The following HUWE1 variants were observed in gnomAD, a reference collection of about 807,000 sequenced individuals.
HUWE1 encodes the protein E3 ubiquitin-protein ligase HUWE1.
HUWE1 carries 18 observed loss-of-function variants against 299.4 expected under a neutral mutation model. The ratio of observed to expected loss-of-function variants is 0.06; its 90% CI spans 0.04 to 0.09. The LOEUF is 0.09. Ranked by LOEUF, HUWE1 falls within the 10% of genes least tolerant of loss-of-function variation. HUWE1 has a pLI of 1.00. For missense variants in HUWE1, 1,832 were observed against 3,462.3 expected (o/e 0.53, Z 11.82); for synonymous variants, 1,317 against 1,286.1 (o/e 1.02, Z -0.51).
intron 8 of HUWE1, among the ~76,000 whole-genome samples, chrX:53,633,669 A>G (rs1227489318): frequency 8.9e-6 from 1 of 112,847 alleles, no homozygotes; most frequent in Non-Finnish European, 1.9e-5. Context: ...AGTTGCTTCC[A>G]GATGCAAAAT....
intron 3 of HUWE1, among the ~76,000 whole-genome samples, chrX:53,670,737 T>C (rs1476805418): frequency 9.0e-6 from 1 of 111,708 alleles, no homozygotes; most frequent in Non-Finnish European, 1.9e-5. Flanking sequence ...GGACTCCAGA[T>C]TGGGTTAACA....
In HUWE1 at chrX:53,539,712, C is replaced by T; in HGVS notation, c.11577G>A (p.Met3859Ile). Reference sequence around the variant, plus strand: ...CTAGTTCCTTTAGACACTCCCCAAGCATGTCCCACAGCTCGTCCAAACTCA... The same window carrying T: ...CTAGTTCCTTTAGACACTCCCCAAGTATGTCCCACAGCTCGTCCAAACTCA... Reference protein sequence around the residue: ...EQLSLDELWDMLGECLKELEE... With the variant: ...EQLSLDELWDILGECLKELEE... The change falls in exon 75 of 84, where the codon ATG (methionine) becomes ATA (isoleucine). Residue 3859 changes from methionine (M) to isoleucine (I), a missense_variant. Transcript: ENST00000262854. The T allele has an allele frequency of 8.3e-7, 1 of 1,211,583 alleles. No homozygotes were observed. The highest frequency in any genetic ancestry group is 3.0e-5 in the East Asian group (1 of 33,859).
chrX:53,534,273 A>C (rs2060901832), intron 82 of HUWE1, 76 bp from the exon 83 acceptor site: 2 of 923,924 alleles, frequency 2.2e-6, no homozygotes, highest in African/African-American at 1.9e-5. Context: ...GGAATCTAGG[A>C]AACAGGACTG....
Position 53,647,485 on chromosome X carries a change from C to T in HUWE1, c.234G>A (p.Met78Ile), listed in dbSNP as rs782448134. ...AGQTVENMSW[M>I]LVCDRPEREQ... Reference sequence around the variant, plus strand: ...CTCTTTCTGGCCTATCACATACGAGCATCCATGACATATTCTCCACTGTCT... The same window carrying T: ...CTCTTTCTGGCCTATCACATACGAGTATCCATGACATATTCTCCACTGTCT... The change falls in exon 6 of 84, where the codon ATG becomes ATA. Residue 78 changes from methionine to isoleucine, a missense_variant. Physicochemically the swap from Met to Ile is conservative, Grantham distance 10. Around this residue, in one of 15 missense-constraint regions of HUWE1, gnomAD observed 658 missense variants for 1,282.6 expected, o/e 0.51. Transcript: ENST00000262854. 1 of 1,205,602 alleles carries T rather than the reference C, an allele frequency of 8.3e-7. No individual in the cohort carries two copies. Among genetic ancestry groups the T allele is most frequent in the South Asian group, 1.8e-5 (1 of 56,825 alleles).
rs2066861435 is a variant in HUWE1, at chrX:53,631,335, A to C, written c.762+79T>G. The C allele has an allele frequency of 5.1e-6, 4 of 789,600 alleles. No homozygotes were observed. The Admixed American group carries it at 7.6e-5, about 15-fold the overall frequency. The allele number at this position is 789,600 out of a possible 1,213,427, so 65.1% of individuals were successfully genotyped here. ...AAAGCTGACATTCTTTCTGCTATGC[A>C]ATCTCCCACCCCAGTACATATCATT... On this transcript the variant is annotated intron_variant, in intron 11 of 83. Coordinates refer to ENST00000262854, the MANE Select transcript of HUWE1 (RefSeq NM_031407.7).
Position 53,573,906 on chromosome X carries a change from A to T in HUWE1, c.6156T>A (p.Ser2052=). 1.7e-6 allele frequency: 2 copies of T among 1,211,346 alleles called. No individual in the cohort carries two copies. The highest frequency in any genetic ancestry group is 3.5e-5 in the South Asian group (2 of 56,959). Residue 2052 remains serine, a synonymous_variant, in exon 47 of 84, where the codon TCT becomes TCA. Coordinates refer to ENST00000262854, the MANE Select transcript of HUWE1 (RefSeq NM_031407.7). ...CCTTGCCTTTCTGTTTGCCTTCCTCAGAGGCCCGGTCCCCTTCTTTATCTT... is the reference window on the plus strand; with the variant it reads ...CCTTGCCTTTCTGTTTGCCTTCCTCTGAGGCCCGGTCCCCTTCTTTATCTT... ...GKKDKEGDRA[S]EEGKQKGKGS...
In HUWE1 at chrX:53,551,388, G is replaced by A. The variant is rs1401359685; in HGVS notation, c.8974C>T (p.Arg2992Cys). The change falls in exon 64 of 84, where the codon CGT becomes TGT. Residue 2992 changes from arginine (R) to cysteine (C), a missense_variant. Transcript: ENST00000262854. ...REVLQNQLGI[R>C]PPTRTAPSTN... ...GAGGGGGCAGTCCGGGTTGGTGGAC[G>A]AATGCCTAGCTGGTTCTGTAGAACT... 1.7e-6 allele frequency: 2 copies of A among 1,209,558 alleles called. No homozygotes were observed. Among genetic ancestry groups the A allele is most frequent in the Non-Finnish European group, 2.2e-6 (2 of 894,319 alleles).
intron 19 of HUWE1, 87 bp from the exon 20 acceptor site, chrX:53,617,533 T>C (rs1557008642): frequency 1.8e-6 from 1 of 570,149 alleles, no homozygotes; most frequent in Non-Finnish European, 3.0e-6. Context: ...AAAAAATACA[T>C]ACTCAATGTC....
chrX:53,561,030 A>C (rs1378987110), intron 55 of HUWE1, among the ~76,000 whole-genome samples: 2 of 112,149 alleles, frequency 1.8e-5, no homozygotes, highest in Non-Finnish European at 3.8e-5. Context: ...AATGCAAAAT[A>C]ATCATAGATG....
intron 39 of HUWE1, among the ~76,000 whole-genome samples, 153 bp downstream of exon 39, chrX:53,586,337 C>A (rs1429350107): frequency 8.9e-6 from 1 of 112,200 alleles, no homozygotes; most frequent in African/African-American, 3.2e-5. Context: ...GTAAATTATT[C>A]AGAAGAGAAA....
In HUWE1 at chrX:53,562,255, G is replaced by C. The variant is rs1569445876; in HGVS notation, c.7205-11C>G. ...GGATATTCATGGAATCTAAAACAAA[G>C]GGAGCACATTGGAGGACTAAACTGA... On this transcript the variant is annotated splice_polypyrimidine_tract_variant and intron_variant, in intron 53 of 83. Coordinates refer to ENST00000262854, the MANE Select transcript of HUWE1 (RefSeq NM_031407.7). The C allele has an allele frequency of 8.3e-7, 1 of 1,208,814 alleles. No homozygotes were observed. Among genetic ancestry groups the C allele is most frequent in the East Asian group, 3.0e-5 (1 of 33,807 alleles).
chrX:53,534,859 C>CAAGCTAT (rs2060935878), intron 81 of HUWE1, among the ~76,000 whole-genome samples, 162 bp from the exon 82 acceptor site: 1 of 110,517 alleles, frequency 9.0e-6, no homozygotes, highest in Non-Finnish European at 1.9e-5. Context: ...CCCCTGGGCT[C>CAAGCTAT]AAGCTATCCT....
intron 68 of HUWE1, among the ~76,000 whole-genome samples, chrX:53,547,307 C>G (rs181161736): frequency 3.7e-4 from 42 of 112,235 alleles, no homozygotes; most frequent in African/African-American, 1.3e-3. Context: ...CCCATGAGAA[C>G]TGGCTCCCTC....
At chrX:53,649,681 G>A (rs1054643547) in intron 4 of HUWE1, among the ~76,000 whole-genome samples, 1 of 112,177 alleles carries the variant, frequency 8.9e-6, no homozygotes, top group Non-Finnish European at 1.9e-5. Context: ...AGCAGAAATA[G>A]ATAACATGGA....
At chrX:53,535,140 G>A (rs1486219987) in intron 81 of HUWE1, among the ~76,000 whole-genome samples, 2 of 110,870 alleles carry the variant, frequency 1.8e-5, no homozygotes, top group African/African-American at 3.3e-5. Flanking sequence ...TCACCATGTT[G>A]GCCAGGCTGG....
chrX:53,615,674 G>T, intron 22 of HUWE1, 70 bp downstream of exon 22: 2 of 811,043 alleles, frequency 2.5e-6, no homozygotes, highest in Non-Finnish European at 3.7e-6. Context: ...ACCTCTAGTA[G>T]GCCAATCTTC....
At chrX:53,655,094 G>A (rs6638411) in intron 3 of HUWE1, among the ~76,000 whole-genome samples, 44,858 of 109,694 alleles carry the variant, frequency 0.41, 8,104 homozygotes, top group Middle Eastern at 0.55. Flanking sequence ...GTCCTCCAAA[G>A]CACAAGAAGA....
In HUWE1 at chrX:53,595,416, A is replaced by C. The variant is rs1556984098; in HGVS notation, c.3164-13T>G. The C allele has an allele frequency of 8.7e-7, 1 of 1,149,961 alleles. No individual in the cohort carries two copies. The highest frequency in any genetic ancestry group is 1.2e-6 in the Non-Finnish European group (1 of 842,451). The allele number at this position is 1,149,961 out of a possible 1,213,427, so 94.8% of individuals were successfully genotyped here. ...AATCTGGAGGAAGCTGAAACCCAGAAATCAGAATAAGACTGTACAGTATTC... is the reference window on the plus strand; with the variant it reads ...AATCTGGAGGAAGCTGAAACCCAGACATCAGAATAAGACTGTACAGTATTC... On this transcript the variant is annotated splice_polypyrimidine_tract_variant and intron_variant, in intron 29 of 83. Transcript: ENST00000262854.
chrX:53,628,409 G>A lies in HUWE1; in HGVS notation c.1242+84C>T, dbSNP rs149350979. 2,160 of 1,009,330 alleles carry A rather than the reference G, an allele frequency of 2.1e-3. 41 individuals are homozygous for A. The African/African-American group carries it at 0.04, about 19-fold the overall frequency. 83.2% of individuals were successfully genotyped at this position (1,009,330 alleles called of 1,213,427 possible). A position where few individuals can be genotyped will look rare whatever the true frequency, so the allele number is the denominator to read the frequency against. On this transcript the variant is annotated intron_variant, in intron 15 of 83. Transcript: ENST00000262854. ...CTTTCTTATATTATTTGCCCTCACT[G>A]TGAAACACCCCAAACTTGCATCTCT...
Sources: gnomAD v4.1 joint callset for allele counts (sites outside exome capture counted in the v4.1 genomes callset) on GRCh38, gnomAD v4.1.1 for gene constraint, gnomAD v4.1.1 regional missense constraint, MANE v1.5 for transcripts, NCBI Gene and HGNC (gene_info 2026-07-23, HGNC 2026-07-21) for gene names.